Variants in TACC2 observed in about 807,000 individuals in gnomAD.
TACC2 encodes the protein transforming acidic coiled-coil-containing protein 2.
Under a neutral mutation model 227.3 loss-of-function variants are expected in TACC2, and 137 were observed. The ratio of observed to expected loss-of-function variants is 0.60; its 90% CI spans 0.52 to 0.69. The LOEUF (loss-of-function observed/expected upper bound fraction) is 0.69. Among genes scored for constraint, TACC2 ranks in the 30% least tolerant of loss-of-function variants. The probability of loss-of-function intolerance (pLI) is 0.00; values close to 1 mark genes in which losing one functional copy is unlikely to be tolerated. For missense variants in TACC2, 3,470 were observed against 3,694.4 expected, an observed-to-expected ratio of 0.94 and a Z score of 1.57; for synonymous variants, 1,523 against 1,487.5, an observed-to-expected ratio of 1.02 and a Z score of -0.55.
intron 5 of TACC2, among the ~76,000 whole-genome samples, chr10:122,126,186 A>G (rs865787478): frequency 2.0e-5 from 3 of 152,266 alleles, no homozygotes; most frequent in Middle Eastern, 3.4e-3. Flanking sequence ...TTTCTGTCCT[A>G]CATGGACTAA....
intron 1 of TACC2, among the ~76,000 whole-genome samples, chr10:121,994,065 C>T (rs1338610941): frequency 6.6e-6 from 1 of 152,194 alleles, no homozygotes; most frequent in African/African-American, 2.4e-5. Flanking sequence ...CTTTCTCCAG[C>T]CGCTTCGTTT....
intron 5 of TACC2, among the ~76,000 whole-genome samples, chr10:122,089,586 C>T (rs1207445246): frequency 6.6e-6 from 1 of 152,234 alleles, no homozygotes; most frequent in Non-Finnish European, 1.5e-5. Flanking sequence ...CACAGACACA[C>T]AGTGAACAAG....
chr10:122,251,300 T>C (rs994432659), intron 22 of TACC2, among the ~76,000 whole-genome samples: 5 of 152,168 alleles, frequency 3.3e-5, no homozygotes, highest in Non-Finnish European at 5.9e-5. Flanking sequence ...AGAAAATAGT[T>C]TGGAATATGC....
intron 5 of TACC2, among the ~76,000 whole-genome samples, chr10:122,105,713 C>A (rs1334645628): frequency 3.3e-5 from 5 of 151,234 alleles, no homozygotes; most frequent in African/African-American, 1.2e-4. Context: ...CTCTGCTTCC[C>A]GGGTTCGAGC....
intron 19 of TACC2, 104 bp from the exon 20 acceptor site, chr10:122,248,539 C>T (rs1465271178): frequency 6.0e-6 from 8 of 1,332,180 alleles, no homozygotes; most frequent in Middle Eastern, 2.7e-4. Context: ...GTTTGAGATG[C>T]CCCCACTGGT....
intron 7 of TACC2, among the ~76,000 whole-genome samples, chr10:122,144,054 CAT>C (rs2091050893): frequency 2.0e-5 from 3 of 152,092 alleles, no homozygotes; most frequent in Admixed American, 1.3e-4. Flanking sequence ...GGGATTGGCT[CAT>C]GTGATTGTGG....
chr10:122,132,991 G>C (rs2088683680), intron 6 of TACC2, among the ~76,000 whole-genome samples: 1 of 152,118 alleles, frequency 6.6e-6, no homozygotes, highest in African/African-American at 2.4e-5. Flanking sequence ...GACATACAAG[G>C]GGCATTTTAC....
chr10:122,213,161 G>T (rs2095331821), intron 9 of TACC2, among the ~76,000 whole-genome samples: 1 of 152,238 alleles, frequency 6.6e-6, no homozygotes, highest in African/African-American at 2.4e-5. Context: ...CCACGGCTTT[G>T]TGGGATCATT....
chr10:122,203,393 GGGGCGGCTGGCTGGGC>G (rs1565604069), intron 8 of TACC2, among the ~76,000 whole-genome samples: 1 of 150,088 alleles, frequency 6.7e-6, no homozygotes, highest in Admixed American at 6.6e-5. Context: ...CCTCCCGGAC[GGGGCGGCTGGCTGGGC>G]GGGCGGCTGA....
At chr10:122,127,975 T>G (rs557234905) in intron 5 of TACC2, among the ~76,000 whole-genome samples, 1 of 152,342 alleles carries the variant, frequency 6.6e-6, no homozygotes, top group African/African-American at 2.4e-5. Context: ...ACTCCTGATT[T>G]ATGCACGTTC....
At chr10:122,015,365 A>T (rs9943462) in intron 1 of TACC2, among the ~76,000 whole-genome samples, 69,076 of 151,160 alleles carry the variant, frequency 0.46, 15,881 homozygotes, top group South Asian at 0.6. Context: ...ATTAGCTGGG[A>T]GTGGTGGCAC....
At chr10:122,174,539 C>T (rs541649233) in intron 7 of TACC2, among the ~76,000 whole-genome samples, 9 of 152,184 alleles carry the variant, frequency 5.9e-5, no homozygotes, top group Non-Finnish European at 1.0e-4. Context: ...ATGCATAAAG[C>T]GTTTAGGGAA....
intron 1 of TACC2, among the ~76,000 whole-genome samples, chr10:121,992,049 C>T (rs1953049269): frequency 6.6e-6 from 1 of 152,182 alleles, no homozygotes; most frequent in African/African-American, 2.4e-5. Flanking sequence ...TACCTCCCAC[C>T]AGGTCCTTCC....
At chr10:122,249,514 G>A in intron 21 of TACC2, 30 bp from the exon 22 acceptor site, 1 of 1,610,074 alleles carries the variant, frequency 6.2e-7, no homozygotes, top group Non-Finnish European at 8.5e-7. Context: ...CCACAAAAGA[G>A]TGATAATTCT....
chr10:122,092,087 C>T (rs1335987399), intron 5 of TACC2, among the ~76,000 whole-genome samples: 1 of 152,206 alleles, frequency 6.6e-6, no homozygotes, highest in African/African-American at 2.4e-5. Flanking sequence ...ATTTCTGGTG[C>T]AGTGACCTGC....
intron 18 of TACC2, among the ~76,000 whole-genome samples, chr10:122,239,236 T>C (rs1589861228): frequency 6.6e-6 from 1 of 152,346 alleles, no homozygotes; most frequent in Admixed American, 6.5e-5. Flanking sequence ...CTTGAACTCC[T>C]GACCTTAGGT....
intron 7 of TACC2, among the ~76,000 whole-genome samples, chr10:122,166,482 C>T (rs1184498310): frequency 1.3e-5 from 2 of 151,988 alleles, no homozygotes; most frequent in Non-Finnish European, 2.9e-5. Context: ...TAGCAGAAGT[C>T]CCATGGGACT....
chr10:122,132,828 T>A, intron 6 of TACC2, 94 bp downstream of exon 6: 1 of 1,343,004 alleles, frequency 7.4e-7, no homozygotes, highest in Non-Finnish European at 1.0e-6. Flanking sequence ...TCCCCTCCTC[T>A]CTTTTCTCCT....
chr10:122,128,048 A>AGGTGGCAGGG (rs930742205), intron 5 of TACC2, among the ~76,000 whole-genome samples: 7 of 152,106 alleles, frequency 4.6e-5, no homozygotes, highest in Non-Finnish European at 7.4e-5. Flanking sequence ...GCAAGGCAGA[A>AGGTGGCAGGG]GGTGGCAGGG....
Sources: allele counts gnomAD v4.1 joint callset (sites outside exome capture counted in the v4.1 genomes callset), GRCh38; gene constraint gnomAD v4.1.1; transcripts MANE v1.5; gene names NCBI Gene and HGNC (gene_info 2026-07-23, HGNC 2026-07-21).